DYNC1I1: variants seen among roughly 807,000 people sequenced by gnomAD.
DYNC1I1 encodes cytoplasmic dynein 1 intermediate chain 1.
Under a neutral mutation model 86.6 loss-of-function variants are expected in DYNC1I1, and 43 were observed. That is an observed-to-expected ratio of 0.50 (90% CI 0.39 to 0.64). The LOEUF (loss-of-function observed/expected upper bound fraction) is 0.64. Ranked by LOEUF, DYNC1I1 falls within the 30% of genes least tolerant of loss-of-function variation. DYNC1I1 has a pLI of 0.00. For synonymous variants in DYNC1I1, 262 were observed against 283.7 expected, an observed-to-expected ratio of 0.92 and a Z score of 0.77; for missense variants, 604 against 788.8, an observed-to-expected ratio of 0.77 and a Z score of 2.81.
intron 14 of DYNC1I1, among the ~76,000 whole-genome samples, chr7:96,057,853 A>G (rs1258211007): frequency 6.6e-6 from 1 of 152,208 alleles, no homozygotes; most frequent in Non-Finnish European, 1.5e-5. Flanking sequence ...TCTGGCAACA[A>G]TTATAGGACA....
At chr7:95,804,860 T>C in intron 2 of DYNC1I1, 23 bp downstream of exon 2, 1 of 1,536,126 alleles carries the variant, frequency 6.5e-7, no homozygotes. Context: ...TGTTGGGGTG[T>C]TGTGGGGGAA....
rs569708267 is a variant in DYNC1I1, at chr7:95,941,057, G to A, written c.491-36455G>A. ...TACAGGTCTGTTGGAGTTTGCTAGA[G>A]GTCCACTCCAGACACTGTTTGCCTG... On this transcript the variant is annotated intron_variant, in intron 6 of 16. Transcript: ENST00000447467. Among the ~76,000 whole-genome samples, 36 of 152,328 alleles carry A rather than the reference G, an allele frequency of 2.4e-4. No individual in the cohort carries two copies. In the East Asian group the frequency reaches 6.9e-3, roughly 29 times the overall value.
intron 10 of DYNC1I1, among the ~76,000 whole-genome samples, chr7:96,022,885 A>AATG (rs1422883066): frequency 1.3e-5 from 2 of 151,638 alleles, no homozygotes; most frequent in Non-Finnish European, 2.9e-5. Context: ...TAATAATAAT[A>AATG]ATAATATAAA....
intron 5 of DYNC1I1, among the ~76,000 whole-genome samples, chr7:95,855,518 A>G (rs549472619): frequency 6.6e-6 from 1 of 152,292 alleles, no homozygotes; most frequent in Non-Finnish European, 1.5e-5. Flanking sequence ...TGTTAAAGTC[A>G]TGTGTTGCTT....
intron 10 of DYNC1I1, among the ~76,000 whole-genome samples, chr7:96,011,911 T>A (rs866098225): frequency 1.3e-5 from 2 of 152,334 alleles, no homozygotes; most frequent in South Asian, 4.1e-4. Context: ...GTAATTGTAC[T>A]GGTAGAAAAC....
rs781196452 is a variant in DYNC1I1 at position 95,984,798 on chromosome 7, AAAAT to A, written c.581-5_581-2del. ...CTTCCCTAACAATCTCTTTTACAAA[AAAAT>A]AAATAAATAAAGCCCCTCCAAGAGA... On this transcript the variant is annotated splice_polypyrimidine_tract_variant and intron_variant, in intron 7 of 16. Coordinates refer to ENST00000447467, the MANE Select transcript of DYNC1I1 (RefSeq NM_001135556.2). 8.3e-6 allele frequency: 13 copies of A among 1,558,744 alleles called. No homozygotes were observed. Among genetic ancestry groups the A allele is most frequent in the Admixed American group, 2.2e-5 (1 of 46,358 alleles).
downstream of DYNC1I1, among the ~76,000 whole-genome samples, chr7:96,102,131 T>C (rs1201431608): frequency 6.6e-6 from 1 of 152,100 alleles, no homozygotes; most frequent in Non-Finnish European, 1.5e-5. Context: ...ATGAATGCAT[T>C]CTTTTTCATT....
chr7:95,810,569 C>A, intron 3 of DYNC1I1, 63 bp downstream of exon 3: 1 of 1,325,800 alleles, frequency 7.5e-7, no homozygotes, highest in African/African-American at 1.5e-5. Flanking sequence ...ATACCATGTC[C>A]AGTGTTTACT....
intron 16 of DYNC1I1, among the ~76,000 whole-genome samples, chr7:96,105,079 T>TATGCTATTGTAA: frequency 6.6e-6 from 1 of 152,158 alleles, no homozygotes; most frequent in South Asian, 2.1e-4. Context: ...ACTAATTTTT[T>TATGCTATTGTAA]ATGCTATTGT....
Position 96,013,350 on chromosome 7 carries a change from G to A in DYNC1I1, c.970-14825G>A, listed in dbSNP as rs117247763. Among the ~76,000 whole-genome samples, 53 of 152,288 alleles carry A rather than the reference G, an allele frequency of 3.5e-4. No individual in the cohort carries two copies. The East Asian group carries it at 8.1e-3, about 23-fold the overall frequency. On this transcript the variant is annotated intron_variant, in intron 10 of 16. Coordinates refer to ENST00000447467, the MANE Select transcript of DYNC1I1 (RefSeq NM_001135556.2). ...TCCCCTTTACCCTCCAAAAAGAAAC[G>A]TAGCACTGTCTACCCCTCGATTTTA...
At chr7:95,813,378 T>TAAA (rs35397709) in intron 4 of DYNC1I1, 41 bp downstream of exon 4, 14,186 of 1,401,450 alleles carry the variant, frequency 0.01, 6 homozygotes, top group East Asian at 0.042. Flanking sequence ...GGGTGTCAAT[T>TAAA]AAAAAAAAAA....
intron 16 of DYNC1I1, among the ~76,000 whole-genome samples, chr7:96,088,092 A>G (rs945293623): frequency 5.3e-5 from 8 of 152,160 alleles, no homozygotes; most frequent in Non-Finnish European, 1.2e-4. Context: ...TTTGATAATT[A>G]TATATGTAAA....
At chr7:95,877,297 A>G (rs1045343595) in intron 6 of DYNC1I1, among the ~76,000 whole-genome samples, 9 of 152,190 alleles carry the variant, frequency 5.9e-5, no homozygotes, top group Non-Finnish European at 1.2e-4. Context: ...TGGCTTCAAC[A>G]TGCTGAGAAC....
At chr7:95,948,567 G>A (rs1377945113) in intron 6 of DYNC1I1, among the ~76,000 whole-genome samples, 1 of 152,164 alleles carries the variant, frequency 6.6e-6, no homozygotes, top group Non-Finnish European at 1.5e-5. Flanking sequence ...GAACAGAAAG[G>A]AAATAAGTCA....
At chr7:95,861,784 G>A (rs1227744236) in intron 5 of DYNC1I1, among the ~76,000 whole-genome samples, 4 of 152,158 alleles carry the variant, frequency 2.6e-5, no homozygotes, top group Non-Finnish European at 5.9e-5. Flanking sequence ...TCATGCGAAG[G>A]TGTTCTGAGA....
intron 7 of DYNC1I1, among the ~76,000 whole-genome samples, chr7:95,983,501 A>C (rs1793506709): frequency 6.6e-6 from 1 of 152,064 alleles, no homozygotes; most frequent in Non-Finnish European, 1.5e-5. Context: ...CCCCTGCCTC[A>C]TGGTCTGGGG....
downstream of DYNC1I1, among the ~76,000 whole-genome samples, chr7:96,101,440 A>T (rs992501137): frequency 6.6e-6 from 1 of 152,144 alleles, no homozygotes; most frequent in African/African-American, 2.4e-5. Flanking sequence ...GAGGGAGGAC[A>T]CCACTGCAAA....
rs759131345 is a variant in DYNC1I1, at chr7:95,804,765, G to A, written c.36G>A (p.Glu12=). The change falls in exon 2 of 17, where the codon GAG becomes GAA. Residue 12 remains glutamate, a synonymous_variant. Coordinates refer to ENST00000447467, the MANE Select transcript of DYNC1I1 (RefSeq NM_001135556.2). ...SDKSDLKAEL[E]RKKQRLAQIR... The stretch of plus-strand genomic sequence containing the variant: ...AAAGTGACTTAAAAGCTGAGCTAGA[G>A]CGCAAAAAGCAGCGCTTAGCACAGA... 6.9e-6 allele frequency: 11 copies of A among 1,602,006 alleles called. No individual in the cohort carries two copies. Among genetic ancestry groups the A allele is most frequent in the Admixed American group, 5.1e-5 (3 of 59,072 alleles).
At chr7:95,997,461 C>T (rs1793894317) in intron 10 of DYNC1I1, among the ~76,000 whole-genome samples, 1 of 151,838 alleles carries the variant, frequency 6.6e-6, no homozygotes, top group Non-Finnish European at 1.5e-5. Flanking sequence ...TATGTATGAT[C>T]TTTATCATGA....
Sources: gnomAD v4.1 joint callset for allele counts (sites outside exome capture counted in the v4.1 genomes callset) on GRCh38, gnomAD v4.1.1 for gene constraint, MANE v1.5 for transcripts, NCBI Gene and HGNC (gene_info 2026-07-23, HGNC 2026-07-21) for gene names.